Variants in COL2A1 observed in about 807,000 individuals in gnomAD.
The protein encoded by COL2A1 is collagen type II alpha 1 chain.
COL2A1 carries 28 observed loss-of-function variants against 204.5 expected under a neutral mutation model. The ratio of observed to expected loss-of-function variants is 0.14; its 90% CI spans 0.10 to 0.19. COL2A1 has a LOEUF of 0.19. Ranked by LOEUF, COL2A1 falls within the 10% of genes least tolerant of loss-of-function variation. The probability of loss-of-function intolerance (pLI) is 1.00; values close to 1 mark genes in which losing one functional copy is unlikely to be tolerated. For synonymous variants in COL2A1, 708 were observed against 718.7 expected (o/e 0.99, Z 0.24); for missense variants, 1,388 against 2,027.5 (o/e 0.68, Z 6.06).
intron 51 of COL2A1, among the ~76,000 whole-genome samples, chr12:47,975,067 A>G (rs1216855445): frequency 6.6e-6 from 1 of 152,202 alleles, no homozygotes; most frequent in Non-Finnish European, 1.5e-5. Context: ...GGAAGAACAC[A>G]TGCAAAGAGA....
chr12:47,990,596 C>T (rs1031589877), intron 16 of COL2A1, among the ~76,000 whole-genome samples: 2 of 152,192 alleles, frequency 1.3e-5, no homozygotes, highest in African/African-American at 2.4e-5. Context: ...CCTGCTCTTA[C>T]GGAAAACAAA....
intron 17 of COL2A1, 124 bp downstream of exon 17, chr12:47,989,637 C>T (rs1939606264): frequency 8.2e-6 from 7 of 852,926 alleles, no homozygotes; most frequent in Non-Finnish European, 1.4e-5. Flanking sequence ...CTTTCCTCCC[C>T]CTTTCCAGTA....
chr12:47,978,715 T>C lies in COL2A1; in HGVS notation c.2777A>G (p.Asp926Gly), dbSNP rs1246355642. 6.2e-7 allele frequency: 1 copy of C among 1,613,122 alleles called. No homozygotes were observed. The highest frequency in any genetic ancestry group is 1.1e-5 in the South Asian group (1 of 91,082). Reference sequence around the variant, plus strand: ...GTCTCCTCGAGCACCTTTGGGACCATCTTTTCCAGAAGGACCAGGGGGACC... The same window carrying C: ...GTCTCCTCGAGCACCTTTGGGACCACCTTTTCCAGAAGGACCAGGGGGACC... ...PPGPPGPSGK[D>G]GPKGARGDSG... is the part of the protein sequence containing the mutation. The change falls in exon 42 of 54, where the codon GAT (aspartate) becomes GGT (glycine). Residue 926 changes from aspartate to glycine, a missense_variant. Asp to Gly is a moderately conservative substitution (Grantham distance 94, BLOSUM62 -1). Coordinates refer to ENST00000380518, the MANE Select transcript of COL2A1 (RefSeq NM_001844.5). This position sits in a 1 kb window ranked among gnomAD's most constrained non-coding sequence, Gnocchi z 5.5.
rs1023771825 is a variant in COL2A1 at position 47,989,416 on chromosome 12, G to C, written c.1069-135C>G. 13 of 839,364 alleles carry C rather than the reference G, an allele frequency of 1.5e-5. No homozygotes were observed. In the African/African-American group the frequency reaches 2.2e-4, roughly 14 times the overall value. The allele number at this position is 839,364 out of a possible 1,614,324, so 52.0% of individuals were successfully genotyped here. On this transcript the variant is annotated intron_variant, in intron 17 of 53. Coordinates refer to ENST00000380518, the MANE Select transcript of COL2A1 (RefSeq NM_001844.5). ...TATCCATTGTGGCTAAAAGGCCTTG[G>C]ATGAAAATTGTCCCCATTGCCAGCG... is the stretch of plus-strand genomic sequence containing the variant.
rs753420046 is a variant in COL2A1 at position 47,976,062 on chromosome 12, A to C, written c.3498T>G (p.Pro1166=). The C allele has an allele frequency of 5.6e-6, 9 of 1,612,342 alleles. No individual in the cohort carries two copies. The highest frequency in any genetic ancestry group is 7.6e-6 in the Non-Finnish European group (9 of 1,178,426). The change falls in exon 50 of 54, where the codon CCT becomes CCG. Residue 1166 remains proline (P), a synonymous_variant. Coordinates refer to ENST00000380518, the MANE Select transcript of COL2A1 (RefSeq NM_001844.5). The surrounding 1 kb of genome is among the most constrained non-coding windows in gnomAD (Gnocchi z 4.3). ...PAGPSGPRGP[P]GPVGPSGKDG... The stretch of plus-strand genomic sequence containing the variant: ...CTTTGCCAGAGGGACCGACGGGGCC[A>C]GGAGGACCCTGCAAGAGAGAGAGGT...
chr12:47,981,205 G>C, intron 37 of COL2A1, 138 bp downstream of exon 37: 1 of 990,344 alleles, frequency 1.0e-6, no homozygotes, highest in African/African-American at 1.6e-5. Context: ...TCCCACCCTA[G>C]ACCCAGCGGG....
chr12:47,985,981 G>A lies in COL2A1; in HGVS notation c.1528-16C>T, dbSNP rs1021930911. The A allele has an allele frequency of 1.3e-6, 2 of 1,551,504 alleles. No homozygotes were observed. Among genetic ancestry groups the A allele is most frequent in the Admixed American group, 3.9e-5 (2 of 51,010 alleles). ...CGGGAGCACCCTAAGGAGCCACAGGGAGGAGAGGCAGTGAGTGAGAACAGC... is the reference window on the plus strand; with the variant it reads ...CGGGAGCACCCTAAGGAGCCACAGGAAGGAGAGGCAGTGAGTGAGAACAGC... On this transcript the variant is annotated splice_polypyrimidine_tract_variant and intron_variant, in intron 23 of 53. Transcript: ENST00000380518.
rs2136605696 is a variant in COL2A1, at chr12:47,993,047, A to C, written c.970-116T>G. 3 of 928,658 alleles carry C rather than the reference A, an allele frequency of 3.2e-6. No homozygotes were observed. In the East Asian group the frequency reaches 7.8e-5, roughly 24 times the overall value. The allele number at this position is 928,658 out of a possible 1,614,324, so 57.5% of individuals were successfully genotyped here. ...GAGGAGAGGGAGGATGCCCACACCC[A>C]GGAAAACAAGGACCTCCTGATGGTG... On this transcript the variant is annotated intron_variant, in intron 15 of 53. Transcript: ENST00000380518.
Position 47,998,021 on chromosome 12 carries a change from C to T in COL2A1, c.375+11G>A. The T allele has an allele frequency of 6.2e-7, 1 of 1,614,210 alleles. No individual in the cohort carries two copies. Among genetic ancestry groups the T allele is most frequent in the Non-Finnish European group, 8.5e-7 (1 of 1,180,046 alleles). The stretch of plus-strand genomic sequence containing the variant: ...GGAAGGGACGGAGAAAGAGATTTCT[C>T]CCTCTCTTACCTGAGGCCCAGGAGG... On this transcript the variant is annotated intron_variant, in intron 5 of 53. Coordinates refer to ENST00000380518, the MANE Select transcript of COL2A1 (RefSeq NM_001844.5).
Position 48,004,222 on chromosome 12 carries a change from C to CG in COL2A1, c.85+14dup. The CG allele has an allele frequency of 6.5e-7, 1 of 1,532,458 alleles. No homozygotes were observed. 94.9% of individuals were successfully genotyped at this position (1,532,458 alleles called of 1,614,324 possible). A position where few individuals can be genotyped will look rare whatever the true frequency, so the allele number is the denominator to read the frequency against. On this transcript the variant is annotated intron_variant, in intron 1 of 53. Coordinates refer to ENST00000380518, the MANE Select transcript of COL2A1 (RefSeq NM_001844.5). ...TGGAAAGCAGGCAGGCAGGCAGGGGCGGGGGAAGACTTACGGACATCCTGG... is the reference window on the plus strand; with the variant it reads ...TGGAAAGCAGGCAGGCAGGCAGGGGCGGGGGGAAGACTTACGGACATCCTGG...
Position 47,995,760 on chromosome 12 carries a change from G to A in COL2A1, c.658C>T (p.Pro220Ser). Residue 220 changes from proline to serine, a missense_variant, in exon 10 of 54, where the codon CCT becomes TCT. Physicochemically the swap from Pro to Ser is moderately conservative, Grantham distance 74 (BLOSUM62 -1). Transcript: ENST00000380518. ...GPPGPAGAPG[P>S]QGFQGNPGEP... is the part of the protein sequence containing the mutation. ...CCAGGATTGCCTTGAAATCCTTGAGGCCCCTAAAAAGTAAAATGAGGATAC... is the reference window on the plus strand; with the variant it reads ...CCAGGATTGCCTTGAAATCCTTGAGACCCCTAAAAAGTAAAATGAGGATAC... The A allele has an allele frequency of 6.2e-7, 1 of 1,613,912 alleles. No homozygotes were observed. The highest frequency in any genetic ancestry group is 1.1e-5 in the South Asian group (1 of 91,064).
chr12:47,988,959 C>A (rs905335908), intron 18 of COL2A1, among the ~76,000 whole-genome samples: 1 of 152,238 alleles, frequency 6.6e-6, no homozygotes, highest in African/African-American at 2.4e-5. Context: ...TATGGTGTAT[C>A]CCCGTCTTCT....
In COL2A1 at chr12:47,984,598, C is replaced by G. The variant is rs2136561826; in HGVS notation, c.1835G>C (p.Gly612Ala). Reference protein sequence around the residue: ...MGFPGPKGANGEPGKAGEKGL... With the variant: ...MGFPGPKGANAEPGKAGEKGL... The stretch of plus-strand genomic sequence containing the variant: ...CTTCTCACCAGCTTTGCCAGGCTCA[C>G]CCTGAAGGAAAGAGAGGGCAGGGCC... Residue 612 changes from glycine to alanine, a missense_variant and splice_region_variant, in exon 28 of 54, where the codon GGT becomes GCT. Coordinates refer to ENST00000380518, the MANE Select transcript of COL2A1 (RefSeq NM_001844.5). The G allele has an allele frequency of 6.2e-7, 1 of 1,614,126 alleles. No individual in the cohort carries two copies. Among genetic ancestry groups the G allele is most frequent in the Non-Finnish European group, 8.5e-7 (1 of 1,180,004 alleles).
chr12:47,981,426 G>A lies in COL2A1; in HGVS notation c.2410-30C>T, dbSNP rs375957885. 26 of 1,597,010 alleles carry A rather than the reference G, an allele frequency of 1.6e-5. No homozygotes were observed. In the African/African-American group the frequency reaches 2.5e-4, roughly 16 times the overall value. On this transcript the variant is annotated intron_variant, in intron 36 of 53. Coordinates refer to ENST00000380518, the MANE Select transcript of COL2A1 (RefSeq NM_001844.5). ...GGGTGGGGAAGGGAGGAAGAGCTGG[G>A]GTAAGAAGGTGGGGAGGCAGAGTGG...
chr12:48,003,077 G>A (rs1940310860), intron 1 of COL2A1: 2 of 152,176 alleles, frequency 1.3e-5, no homozygotes, highest in South Asian at 2.1e-4. Context: ...AATCCCAGCC[G>A]TCGGAAACGT....
At chr12:47,974,546 C>T in intron 52 of COL2A1, 129 bp downstream of exon 52, 1 of 1,275,604 alleles carries the variant, frequency 7.8e-7, no homozygotes, top group Non-Finnish European at 1.1e-6. Flanking sequence ...CCTCCTCTTT[C>T]CCTCCTCTCA....
intron 50 of COL2A1, 136 bp from the exon 51 acceptor site, chr12:47,975,741 C>A (rs773590676): frequency 4.2e-6 from 4 of 955,058 alleles, no homozygotes; most frequent in South Asian, 2.9e-5. Flanking sequence ...AGGCGAGGAC[C>A]AAGGAAACCA....
chr12:47,993,776 C>T (rs199856026), intron 14 of COL2A1, 33 bp downstream of exon 14: 3 of 1,609,512 alleles, frequency 1.9e-6, no homozygotes, highest in Non-Finnish European at 1.7e-6. Flanking sequence ...TGTCTCCCTC[C>T]TCCCCATCCC....
At position 47,987,928 on chromosome 12, in the gene COL2A1, T is replaced by C. The variant is rs527968302; in HGVS notation, c.1123-219A>G. On this transcript the variant is annotated intron_variant, in intron 18 of 53. Coordinates refer to ENST00000380518, the MANE Select transcript of COL2A1 (RefSeq NM_001844.5). This position sits in a 1 kb window ranked among gnomAD's most constrained non-coding sequence, Gnocchi z 4.1. ...TTGATGACTTCCCACGCCTGCCTCC[T>C]CTACTGCTTACCTCATCTCTACACA... Among the ~76,000 whole-genome samples the C allele has an allele frequency of 6.6e-6, 1 of 152,124 alleles. No homozygotes were observed. Among genetic ancestry groups the C allele is most frequent in the Admixed American group, 6.5e-5 (1 of 15,288 alleles).
Sources: allele counts gnomAD v4.1 joint callset (sites outside exome capture counted in the v4.1 genomes callset), GRCh38; gene constraint gnomAD v4.1.1; non-coding constraint Gnocchi (gnomAD v3.1); transcripts MANE v1.5; gene names NCBI Gene and HGNC (gene_info 2026-07-23, HGNC 2026-07-21).